The following NHSL3 variants were observed in gnomAD, a reference collection of about 807,000 sequenced individuals.
NHSL3 encodes NHS like 3.
chr1:32,745,928 T>G, the NHSL3 span, among the ~76,000 whole-genome samples: 1 of 151,530 alleles, frequency 6.6e-6, no homozygotes, highest in South Asian at 2.1e-4. Context: ...GACTCAGACA[T>G]AAGAAAAAGT....
chr1:32,770,534 T>C, the NHSL3 span: 1 of 1,537,930 alleles, frequency 6.5e-7, no homozygotes, highest in Non-Finnish European at 8.8e-7. The surrounding 1 kb of genome is among the most constrained non-coding windows in gnomAD (Gnocchi z 8.3). Flanking sequence ...AATAGCGTGG[T>C]ACCCCCTCCC....
chr1:32,758,814 A>C, the NHSL3 span, among the ~76,000 whole-genome samples: 3 of 151,946 alleles, frequency 2.0e-5, no homozygotes, highest in Non-Finnish European at 4.4e-5. Flanking sequence ...GTTGCAATTA[A>C]GGGGAAATGA....
chr1:32,765,712 C>T, the NHSL3 span: 3 of 1,543,766 alleles, frequency 1.9e-6, no homozygotes, highest in Non-Finnish European at 2.6e-6. Flanking sequence ...GTACGCCCCG[C>T]GCTCTGCTCT....
At chr1:32,756,024 G>A in the NHSL3 span, among the ~76,000 whole-genome samples, 4 of 152,208 alleles carry the variant, frequency 2.6e-5, no homozygotes, top group Admixed American at 6.5e-5. Context: ...TTGCCTACTG[G>A]CCCTTGAGGA....
chr1:32,743,167 C>G, the NHSL3 span, among the ~76,000 whole-genome samples: 4 of 152,124 alleles, frequency 2.6e-5, no homozygotes, highest in Non-Finnish European at 5.9e-5. Flanking sequence ...GGCTTGCTGT[C>G]CTGGGAAGTC....
the NHSL3 span, among the ~76,000 whole-genome samples, chr1:32,762,368 T>C: frequency 6.6e-6 from 1 of 152,066 alleles, no homozygotes; most frequent in South Asian, 2.1e-4. Context: ...CACAGATACA[T>C]ATATATAGTT....
At chr1:32,771,606 A>G in the NHSL3 span, 3 of 1,612,216 alleles carry the variant, frequency 1.9e-6, no homozygotes, top group Non-Finnish European at 2.5e-6. Context: ...CAGGCTCCCC[A>G]GAGCTTGTCA....
At chr1:32,768,585 CAAAAA>C in the NHSL3 span, 2 of 1,570,778 alleles carry the variant, frequency 1.3e-6, no homozygotes, top group East Asian at 4.6e-5. Flanking sequence ...GGATTTGTCT[CAAAAA>C]AAAGTTCCAA....
At chr1:32,768,517 C>T in the NHSL3 span, 5 of 974,270 alleles carry the variant, frequency 5.1e-6, no homozygotes, top group Admixed American at 2.3e-5. Flanking sequence ...ATCGCTTGAA[C>T]TTGGGAGGCG....
the NHSL3 span, among the ~76,000 whole-genome samples, chr1:32,758,193 C>T: frequency 1.3e-5 from 2 of 152,188 alleles, no homozygotes; most frequent in African/African-American, 4.8e-5. Context: ...CCCAGGCTAG[C>T]TGAGCACTCG....
chr1:32,747,462 C>T, the NHSL3 span, among the ~76,000 whole-genome samples: 2 of 152,018 alleles, frequency 1.3e-5, no homozygotes, highest in African/African-American at 2.4e-5. Flanking sequence ...CGTGAGCTAC[C>T]GCGACTGGCC....
chr1:32,760,678 C>T, the NHSL3 span, among the ~76,000 whole-genome samples: 1 of 151,672 alleles, frequency 6.6e-6, no homozygotes, highest in South Asian at 2.1e-4. Context: ...GCAACCTTCG[C>T]CTCCTGGGTT....
At chr1:32,754,732 C>T in the NHSL3 span, among the ~76,000 whole-genome samples, 17 of 152,184 alleles carry the variant, frequency 1.1e-4, no homozygotes, top group Non-Finnish European at 2.5e-4. Flanking sequence ...CGCTTATTTC[C>T]CAGATCTTAG....
the NHSL3 span, among the ~76,000 whole-genome samples, chr1:32,762,960 CCA>C: frequency 6.6e-6 from 1 of 151,716 alleles, no homozygotes; most frequent in Non-Finnish European, 1.5e-5. Context: ...CAGGTGTGAG[CCA>C]CAGTGCTAGC....
the NHSL3 span, chr1:32,754,217 A>C: frequency 1.4e-6 from 1 of 705,506 alleles, no homozygotes; most frequent in Non-Finnish European, 2.6e-6. Context: ...GGCAGGGAGG[A>C]GGGTCCCTAC....
At chr1:32,772,933 A>G in the NHSL3 span, 5 of 1,596,492 alleles carry the variant, frequency 3.1e-6, no homozygotes, top group East Asian at 2.2e-5. Flanking sequence ...CAGAAACACA[A>G]TCTCAGGGAC....
At chr1:32,772,556 C>G in the NHSL3 span, 1 of 1,427,342 alleles carries the variant, frequency 7.0e-7, no homozygotes. Context: ...TCTGAGAATG[C>G]CTGGGAAGGG....
the NHSL3 span, among the ~76,000 whole-genome samples, chr1:32,743,509 G>A: frequency 7.2e-5 from 11 of 152,322 alleles, no homozygotes; most frequent in African/African-American, 2.6e-4. Context: ...AGTCCTAACA[G>A]GACATGGAGT....
chr1:32,767,250 T>C, the NHSL3 span, among the ~76,000 whole-genome samples: 1 of 152,268 alleles, frequency 6.6e-6, no homozygotes, highest in South Asian at 2.1e-4. Flanking sequence ...GCGAGAGCAA[T>C]GTATTTACTA....
Sources: gnomAD v4.1 joint callset for allele counts (sites outside exome capture counted in the v4.1 genomes callset) on GRCh38, gnomAD v4.1.1 for gene constraint, Gnocchi (gnomAD v3.1) non-coding constraint, MANE v1.5 for transcripts, NCBI Gene and HGNC (gene_info 2026-07-23, HGNC 2026-07-21) for gene names.